PDE1C: variants seen among roughly 807,000 people sequenced by gnomAD.
PDE1C encodes dual specificity calcium/calmodulin-dependent 3',5'-cyclic nucleotide phosphodiesterase 1C.
Under a neutral mutation model 93.1 loss-of-function variants are expected in PDE1C, and 62 were observed. The ratio of observed to expected loss-of-function variants is 0.67; its 90% confidence interval spans 0.54 to 0.82. PDE1C has a LOEUF of 0.82. Among genes scored for constraint, PDE1C ranks in the 40% least tolerant of loss-of-function variants. The pLI, the probability that PDE1C is intolerant of heterozygous loss-of-function variation, is 0.00. For synonymous variants in PDE1C, 325 were observed against 310.1 expected (o/e 1.05, Z -0.50); for missense variants, 742 against 884.6 (o/e 0.84, Z 2.04).
At chr7:32,310,428 C>T (rs1028131096) in intron 1 of PDE1C, among the ~76,000 whole-genome samples, 1 of 152,198 alleles carries the variant, frequency 6.6e-6, no homozygotes, top group Non-Finnish European at 1.5e-5. Context: ...GAACTCTCTA[C>T]CCCAAATCAA....
At chr7:32,142,282 A>T (rs1344749052) in intron 3 of PDE1C, among the ~76,000 whole-genome samples, 2 of 152,182 alleles carry the variant, frequency 1.3e-5, no homozygotes, top group Non-Finnish European at 2.9e-5. Flanking sequence ...GCACTCAAGG[A>T]GGTTTTATTC....
the PDE1C span, among the ~76,000 whole-genome samples, chr7:31,632,606 C>T: frequency 1.3e-5 from 2 of 152,104 alleles, no homozygotes; most frequent in Non-Finnish European, 2.9e-5. Flanking sequence ...ATCAGTGTAA[C>T]CCAACACTGG....
the PDE1C span, among the ~76,000 whole-genome samples, chr7:31,741,158 C>T: frequency 5.9e-5 from 9 of 151,404 alleles, no homozygotes; most frequent in Admixed American, 3.9e-4. Flanking sequence ...CTTTTAGTCT[C>T]AGCTTTGTGG....
intron 2 of PDE1C, among the ~76,000 whole-genome samples, chr7:31,970,326 T>C (rs1810765329): frequency 6.6e-6 from 1 of 152,078 alleles, no homozygotes; most frequent in South Asian, 2.1e-4. Context: ...CGAGCCCCAA[T>C]ATCTACTAAA....
chr7:31,783,571 C>G (rs1273904056), intron 16 of PDE1C: 5 of 151,796 alleles, frequency 3.3e-5, no homozygotes, highest in Admixed American at 6.6e-5. Context: ...GAAGAACATA[C>G]AAGTACTTAT....
chr7:32,058,830 G>A (rs1263184521), intron 1 of PDE1C, among the ~76,000 whole-genome samples: 3 of 152,116 alleles, frequency 2.0e-5, no homozygotes, highest in Non-Finnish European at 4.4e-5. Context: ...TAGAGTAAGA[G>A]AATCTCCTGT....
At chr7:32,307,017 C>A (rs934132362) in intron 1 of PDE1C, among the ~76,000 whole-genome samples, 17 of 152,220 alleles carry the variant, frequency 1.1e-4, no homozygotes, top group Admixed American at 1.0e-3. Flanking sequence ...GCTCTATCAA[C>A]TCTTCTCACC....
At chr7:31,727,171 T>A in the PDE1C span, among the ~76,000 whole-genome samples, 1 of 152,174 alleles carries the variant, frequency 6.6e-6, no homozygotes, top group African/African-American at 2.4e-5. Context: ...GCCCAAATTC[T>A]GTAAGTCCTT....
rs559968515 is a variant in PDE1C at position 32,108,424 on chromosome 7, G to GA, written c.308+61360dup. On this transcript the variant is annotated intron_variant, in intron 3 of 18. Coordinates refer to the PDE1C transcript ENST00000396193. ...TTGAGAAAGTCTTCCATAGAGTACA[G>GA]AAAAAAAACCACACACACACACACA... 6.4e-4 allele frequency among the ~76,000 whole-genome samples: 76 copies of GA among 118,924 alleles called. 4 individuals carry two copies. The South Asian group carries it at 0.019, about 29-fold the overall frequency. 78.0% of individuals were successfully genotyped at this position (118,924 alleles called of 152,430 possible). A position where few individuals can be genotyped will look rare whatever the true frequency, so the allele number is the denominator to read the frequency against.
intron 3 of PDE1C, among the ~76,000 whole-genome samples, chr7:32,096,637 C>T (rs57631271): frequency 0.042 from 6,416 of 152,184 alleles, 459 homozygotes; most frequent in African/African-American, 0.15. Context: ...GCAATTAAAA[C>T]ATGTCTTAAA....
intron 2 of PDE1C, among the ~76,000 whole-genome samples, chr7:32,176,703 T>TCA (rs1447979656): frequency 6.6e-6 from 1 of 151,834 alleles, no homozygotes; most frequent in South Asian, 2.1e-4. Flanking sequence ...ACACACGTAC[T>TCA]CACACACACA....
intron 2 of PDE1C, among the ~76,000 whole-genome samples, chr7:31,961,324 AC>A (rs1808926678): frequency 6.6e-6 from 1 of 152,052 alleles, no homozygotes; most frequent in Non-Finnish European, 1.5e-5. Context: ...ACACATATAT[AC>A]ATATACAAGA....
intron 1 of PDE1C, among the ~76,000 whole-genome samples, chr7:32,262,768 A>G (rs569587655): frequency 6.6e-6 from 1 of 152,182 alleles, no homozygotes; most frequent in Non-Finnish European, 1.5e-5. Context: ...ACTTTCTGAC[A>G]ACTTTTGGGG....
the PDE1C span, among the ~76,000 whole-genome samples, chr7:31,654,376 C>T: frequency 2.6e-5 from 4 of 152,264 alleles, no homozygotes; most frequent in South Asian, 6.2e-4. Context: ...GAGAGGGGAT[C>T]GGTCAGACTA....
At chr7:31,823,028 C>T (rs780652799) in intron 14 of PDE1C, 45 bp downstream of exon 14, 3 of 1,498,348 alleles carry the variant, frequency 2.0e-6, no homozygotes, top group Non-Finnish European at 2.7e-6. Context: ...AGAGGACAAC[C>T]TTGTTTTATG....
At chr7:31,621,764 T>G in the PDE1C span, among the ~76,000 whole-genome samples, 3 of 146,670 alleles carry the variant, frequency 2.0e-5, no homozygotes, top group South Asian at 6.5e-4. Flanking sequence ...CAATATTAAC[T>G]TTAAATGTAA....
chr7:32,107,609 C>T (rs185504840), intron 3 of PDE1C, among the ~76,000 whole-genome samples: 18 of 152,042 alleles, frequency 1.2e-4, no homozygotes, highest in East Asian at 5.8e-4. Context: ...GAACAAAAAC[C>T]GAGTAAATTT....
chr7:31,717,469 G>C, the PDE1C span, among the ~76,000 whole-genome samples: 1,027 of 152,206 alleles, frequency 6.7e-3, 10 homozygotes, highest in African/African-American at 0.023. Context: ...GCCCTTGGGT[G>C]GGGGGCAGAA....
At chr7:31,948,965 C>T (rs561399915) in intron 2 of PDE1C, among the ~76,000 whole-genome samples, 12 of 152,224 alleles carry the variant, frequency 7.9e-5, no homozygotes, top group Admixed American at 1.3e-4. Flanking sequence ...ATTTACCACT[C>T]CTGAGCATAT....
Sources: allele counts gnomAD v4.1 joint callset (sites outside exome capture counted in the v4.1 genomes callset), GRCh38; gene constraint gnomAD v4.1.1; transcripts MANE v1.5; gene names NCBI Gene and HGNC (gene_info 2026-07-23, HGNC 2026-07-21).